The following MAP7 variants were observed in gnomAD, a reference collection of about 807,000 sequenced individuals.
MAP7 encodes ensconsin.
In MAP7, 52 loss-of-function variants were observed where a neutral mutation model predicts 94.8. The ratio of observed to expected loss-of-function variants is 0.55; its 90% confidence interval spans 0.44 to 0.69. The LOEUF (loss-of-function observed/expected upper bound fraction) is 0.69, where lower values mean the gene tolerates loss of function less well. Among genes scored for constraint, MAP7 ranks in the 30% least tolerant of loss-of-function variants. The pLI is 0.00. For synonymous variants in MAP7, 350 were observed against 357.0 expected, an observed-to-expected ratio of 0.98 and a Z score of 0.22; for missense variants, 940 against 964.6, an observed-to-expected ratio of 0.97 and a Z score of 0.34.
chr6:136,473,003 G>A (rs1007108816), intron 1 of MAP7, among the ~76,000 whole-genome samples: 5 of 152,040 alleles, frequency 3.3e-5, no homozygotes, highest in African/African-American at 1.2e-4. Flanking sequence ...TGGTTTTACA[G>A]AATGGATGCA....
intron 1 of MAP7, among the ~76,000 whole-genome samples, chr6:136,523,843 C>T (rs9402818): frequency 2.2e-4 from 34 of 151,984 alleles, no homozygotes; most frequent in African/African-American, 7.7e-4. Context: ...GTAGGTTTTT[C>T]GAAGCATCTT....
At position 136,362,655 on chromosome 6, in the gene MAP7, A is replaced by G. The variant is rs1336612960; in HGVS notation, c.1321T>C (p.Ser441Pro). Reference protein sequence around the residue: ...PAPASAPAPASAPAPAPVPTP... With the variant: ...PAPASAPAPAPAPAPAPVPTP... ...GGGACCGGGGCTGGAGCTGGGGCCGAGGCTGGAGCTGGGGCCGAGGCTGGA... is the reference window on the plus strand; with the variant it reads ...GGGACCGGGGCTGGAGCTGGGGCCGGGGCTGGAGCTGGGGCCGAGGCTGGA... Residue 441 changes from serine to proline, a missense_variant, in exon 11 of 18, where the codon TCG (serine) becomes CCG (proline). Coordinates refer to ENST00000354570, the MANE Select transcript of MAP7 (RefSeq NM_003980.6). The G allele has an allele frequency of 1.6e-5, 25 of 1,604,384 alleles. No homozygotes were observed. The South Asian group carries it at 2.3e-4, about 15-fold the overall frequency.
chr6:136,489,818 C>A (rs569960334), intron 1 of MAP7, among the ~76,000 whole-genome samples: 1 of 151,960 alleles, frequency 6.6e-6, no homozygotes, highest in Non-Finnish European at 1.5e-5. Flanking sequence ...CGTGAGTCAC[C>A]GCACCTGGCC....
chr6:136,380,999 G>A (rs984507711), intron 6 of MAP7, among the ~76,000 whole-genome samples: 1 of 152,236 alleles, frequency 6.6e-6, no homozygotes, highest in South Asian at 2.1e-4. Flanking sequence ...TATGCCTTAG[G>A]ACTGAGAAAG....
intron 5 of MAP7, among the ~76,000 whole-genome samples, chr6:136,385,508 G>A (rs777397440): frequency 4.6e-5 from 7 of 152,130 alleles, no homozygotes; most frequent in Non-Finnish European, 7.4e-5. Context: ...GTGTCCACAC[G>A]CAGGCCTATC....
chr6:136,466,871 A>T, intron 1 of MAP7: 1 of 1,529,350 alleles, frequency 6.5e-7, no homozygotes, highest in Non-Finnish European at 8.7e-7. Context: ...CAAAGACCAA[A>T]TATCAGTGAA....
In MAP7 at chr6:136,402,779, G is replaced by A. The variant is rs565155714; in HGVS notation, c.244+8841C>T. Among the ~76,000 whole-genome samples, 6 of 151,708 alleles carry A rather than the reference G, an allele frequency of 4.0e-5. No individual in the cohort carries two copies. In the East Asian group the frequency reaches 9.7e-4, roughly 25 times the overall value. ...AAATTAGCCGGGTGCGGTGGCGGGC[G>A]CCTGTAGTCCCAGCTACTCGGGAGG... On this transcript the variant is annotated intron_variant, in intron 3 of 17. Coordinates refer to ENST00000354570, the MANE Select transcript of MAP7 (RefSeq NM_003980.6).
intron 11 of MAP7, 56 bp from the exon 12 acceptor site, chr6:136,361,235 A>C: frequency 1.3e-6 from 2 of 1,581,530 alleles, no homozygotes; most frequent in Non-Finnish European, 1.7e-6. Context: ...AAATCTTTGA[A>C]GAGAGGCCTC....
intron 1 of MAP7, among the ~76,000 whole-genome samples, chr6:136,516,661 C>T (rs1371798514): frequency 6.6e-6 from 1 of 152,158 alleles, no homozygotes; most frequent in African/African-American, 2.4e-5. Flanking sequence ...CTTTCTCCAT[C>T]GTAAGTGTTC....
At chr6:136,471,421 T>C (rs1467552521) in intron 1 of MAP7, among the ~76,000 whole-genome samples, 1 of 152,190 alleles carries the variant, frequency 6.6e-6, no homozygotes, top group African/African-American at 2.4e-5. Context: ...TTTGTTTGTT[T>C]TCAACATTTA....
chr6:136,473,500 C>T (rs186419485), intron 1 of MAP7, among the ~76,000 whole-genome samples: 1 of 152,256 alleles, frequency 6.6e-6, no homozygotes, highest in East Asian at 1.9e-4. Context: ...ATGGGATCTT[C>T]CATGTAACAC....
At chr6:136,367,061 A>AT (rs1224360562) in intron 8 of MAP7, among the ~76,000 whole-genome samples, 1 of 152,144 alleles carries the variant, frequency 6.6e-6, no homozygotes, top group African/African-American at 2.4e-5. Flanking sequence ...TCAGCTATTT[A>AT]TTTTTTTGCT....
At chr6:136,357,222 T>C (rs894054046) in intron 15 of MAP7, among the ~76,000 whole-genome samples, 13 of 152,300 alleles carry the variant, frequency 8.5e-5, no homozygotes, top group African/African-American at 3.1e-4. Flanking sequence ...AAAAATATTT[T>C]TGAAAACTCA....
Position 136,372,581 on chromosome 6 carries a change from T to C in MAP7, c.796A>G (p.Arg266Gly), listed in dbSNP as rs757781440. 2 of 1,614,198 alleles carry C rather than the reference T, an allele frequency of 1.2e-6. No individual in the cohort carries two copies. The highest frequency in any genetic ancestry group is 2.2e-5 in the South Asian group (2 of 91,086). Residue 266 changes from arginine to glycine, a missense_variant, in exon 8 of 18, where the codon AGA becomes GGA. Transcript: ENST00000354570. The part of the protein sequence containing the change: ...IIMPYKAAHS[R>G]NSMDRPKLFV... ...AGTTTTGGTCGATCCATCGAATTTCTAGAGTGTGCAGCTTTGTAGGGCATG... is the reference window on the plus strand; with the variant it reads ...AGTTTTGGTCGATCCATCGAATTTCCAGAGTGTGCAGCTTTGTAGGGCATG...
intron 1 of MAP7, chr6:136,526,814 T>C (rs1583148024): frequency 6.2e-6 from 2 of 323,722 alleles, no homozygotes; most frequent in Non-Finnish European, 8.9e-6. Context: ...GCATGGCTGG[T>C]ACCCACAGAG....
chr6:136,373,343 G>A (rs755937871), intron 7 of MAP7, among the ~76,000 whole-genome samples: 9 of 152,210 alleles, frequency 5.9e-5, no homozygotes, highest in Non-Finnish European at 1.3e-4. Flanking sequence ...ATAAGAAGCA[G>A]CATTAGAGCA....
At chr6:136,440,827 TAA>T (rs71963756) in intron 1 of MAP7, among the ~76,000 whole-genome samples, 1 of 140,364 alleles carries the variant, frequency 7.1e-6, no homozygotes. Flanking sequence ...TTTAAGGTCT[TAA>T]AAAAAAAAAA....
At chr6:136,479,617 G>A (rs1012494843) in intron 1 of MAP7, among the ~76,000 whole-genome samples, 11 of 152,086 alleles carry the variant, frequency 7.2e-5, no homozygotes, top group Non-Finnish European at 1.2e-4. Flanking sequence ...GCCTAAAGAC[G>A]TTACCAAAAT....
At chr6:136,549,690 G>A (rs1310902369) in intron 1 of MAP7, among the ~76,000 whole-genome samples, 2 of 152,208 alleles carry the variant, frequency 1.3e-5, no homozygotes, top group Admixed American at 6.5e-5. Context: ...TGAGAACTCC[G>A]ACAAGTCAAC....
Sources: gnomAD v4.1 joint callset for allele counts (sites outside exome capture counted in the v4.1 genomes callset) on GRCh38, gnomAD v4.1.1 for gene constraint, MANE v1.5 for transcripts, NCBI Gene and HGNC (gene_info 2026-07-23, HGNC 2026-07-21) for gene names.